The following ROBO1 variants were observed in gnomAD, a reference collection of about 807,000 sequenced individuals.
ROBO1 encodes roundabout guidance receptor 1, also known as roundabout homolog 1.
ROBO1 carries 149 observed loss-of-function variants against 195.9 expected under a neutral mutation model. The ratio of observed to expected loss-of-function variants is 0.76; its 90% CI spans 0.67 to 0.87. The LOEUF is 0.87. Among genes scored for constraint, ROBO1 ranks in the 40% least tolerant of loss-of-function variants. The probability of loss-of-function intolerance (pLI) is 0.00; values close to 1 mark genes in which losing one functional copy is unlikely to be tolerated. For missense variants in ROBO1, 1,933 were observed against 2,068.3 expected, an observed-to-expected ratio of 0.93 and a Z score of 1.27; for synonymous variants, 816 against 733.2, an observed-to-expected ratio of 1.11 and a Z score of -1.82.
intron 2 of ROBO1, among the ~76,000 whole-genome samples, chr3:79,274,095 T>C (rs2030810515): frequency 6.6e-6 from 1 of 151,936 alleles, no homozygotes; most frequent in South Asian, 2.1e-4. Flanking sequence ...CTTTTAGTAT[T>C]GGACAGATTA....
chr3:78,942,233 G>A (rs957334244), intron 3 of ROBO1, among the ~76,000 whole-genome samples: 1 of 152,036 alleles, frequency 6.6e-6, no homozygotes, highest in Non-Finnish European at 1.5e-5. Context: ...CTGGGAAGTC[G>A]AGGCTGCAGT....
chr3:79,055,918 A>G, intron 3 of ROBO1, among the ~76,000 whole-genome samples: 1 of 152,074 alleles, frequency 6.6e-6, no homozygotes, highest in East Asian at 1.9e-4. Context: ...GTTTCTGAAC[A>G]GTTACAACTT....
At chr3:78,885,394 T>A (rs1405334343) in intron 4 of ROBO1, among the ~76,000 whole-genome samples, 4 of 105,486 alleles carry the variant, frequency 3.8e-5, no homozygotes, top group Non-Finnish European at 7.1e-5. Flanking sequence ...CCTGCACTTG[T>A]AACCCTGAAT....
At chr3:79,636,816 A>G (rs1945509461) in intron 1 of ROBO1, among the ~76,000 whole-genome samples, 2 of 152,238 alleles carry the variant, frequency 1.3e-5, no homozygotes, top group Non-Finnish European at 1.5e-5. Context: ...CTTTTATGCA[A>G]CTAAGATTTA....
intron 1 of ROBO1, among the ~76,000 whole-genome samples, chr3:79,730,923 GC>G (rs1703122648): frequency 6.6e-6 from 1 of 151,726 alleles, no homozygotes; most frequent in Non-Finnish European, 1.5e-5. Flanking sequence ...GACTACAGGT[GC>G]CCGCCACCAC....
At chr3:78,792,362 G>T (rs764394300) in intron 4 of ROBO1, among the ~76,000 whole-genome samples, 1 of 152,122 alleles carries the variant, frequency 6.6e-6, no homozygotes, top group Non-Finnish European at 1.5e-5. Flanking sequence ...CAACTGTTAT[G>T]AGTTTTAAAA....
At chr3:78,930,714 CTT>C (rs2039474604) in intron 4 of ROBO1, among the ~76,000 whole-genome samples, 1 of 152,178 alleles carries the variant, frequency 6.6e-6, no homozygotes, top group South Asian at 2.1e-4. Flanking sequence ...CTAATCCTCT[CTT>C]TTCTTTTCAT....
intron 2 of ROBO1, among the ~76,000 whole-genome samples, chr3:79,166,567 T>TTTTTTTTTA (rs1553693445): frequency 1.3e-5 from 2 of 149,772 alleles, no homozygotes; most frequent in African/African-American, 5.0e-5. Flanking sequence ...TTTCTTTTTT[T>TTTTTTTTTA]TTTTTTTTTT....
Position 79,671,219 on chromosome 3 carries a change from A to G in ROBO1, c.-50-81258T>C, listed in dbSNP as rs1314538746. On this transcript the variant is annotated intron_variant, in intron 1 of 30. Coordinates refer to ENST00000464233, the MANE Select transcript of ROBO1 (RefSeq NM_002941.4). ...TTATGTTAGAAGGAAAAGCCTAGAT[A>G]GTGTCTCTGCGTTTGTTATGCCTGT... Among the ~76,000 whole-genome samples the G allele has an allele frequency of 2.0e-5, 3 of 151,960 alleles. No homozygotes were observed. The East Asian group carries it at 5.8e-4, about 30-fold the overall frequency.
At chr3:79,704,980 C>T (rs1012828470) in intron 1 of ROBO1, among the ~76,000 whole-genome samples, 1 of 151,934 alleles carries the variant, frequency 6.6e-6, no homozygotes, top group Non-Finnish European at 1.5e-5. Context: ...TTCTCTATAT[C>T]TTCTTTGATA....
chr3:78,858,832 T>C (rs1180065278), intron 4 of ROBO1, among the ~76,000 whole-genome samples: 1 of 139,520 alleles, frequency 7.2e-6, no homozygotes, highest in Non-Finnish European at 1.5e-5. Flanking sequence ...GAAATGAGAG[T>C]AGGTGAGTAT....
At chr3:79,432,364 G>A (rs896700629) in intron 2 of ROBO1, among the ~76,000 whole-genome samples, 1 of 152,204 alleles carries the variant, frequency 6.6e-6, no homozygotes, top group African/African-American at 2.4e-5. Context: ...GAAATGGGTT[G>A]AGACAATTTG....
At chr3:78,815,776 CT>C (rs1207816727) in intron 4 of ROBO1, among the ~76,000 whole-genome samples, 2 of 152,124 alleles carry the variant, frequency 1.3e-5, no homozygotes, top group Non-Finnish European at 2.9e-5. Flanking sequence ...CATCATCAGC[CT>C]CCACTTGTAA....
chr3:79,567,636 C>T (rs66929548), intron 2 of ROBO1, among the ~76,000 whole-genome samples: 36,924 of 151,888 alleles, frequency 0.24, 5,134 homozygotes, highest in African/African-American at 0.37. Context: ...AATTTAGAAG[C>T]TTTGACTATT....
intron 4 of ROBO1, among the ~76,000 whole-genome samples, chr3:78,827,952 C>T (rs1039577014): frequency 4.6e-5 from 7 of 152,156 alleles, no homozygotes; most frequent in African/African-American, 1.4e-4. Flanking sequence ...GTTCCCATGG[C>T]ATAGCCGAGT....
chr3:78,609,889 A>G (rs371802992), intron 28 of ROBO1, among the ~76,000 whole-genome samples: 3 of 152,308 alleles, frequency 2.0e-5, no homozygotes, highest in East Asian at 3.9e-4. Flanking sequence ...TTCCATAAAT[A>G]TACAATTTTT....
chr3:79,655,072 T>G (rs1273709406), intron 1 of ROBO1, among the ~76,000 whole-genome samples: 1 of 152,006 alleles, frequency 6.6e-6, no homozygotes, highest in Non-Finnish European at 1.5e-5. Context: ...CACAGGAAAA[T>G]TTGAGGGCAA....
At chr3:79,206,424 A>C (rs2108791186) in intron 2 of ROBO1, among the ~76,000 whole-genome samples, 1 of 152,318 alleles carries the variant, frequency 6.6e-6, no homozygotes, top group Admixed American at 6.5e-5. Flanking sequence ...TCTTGACTTA[A>C]AGAGAAAAAA....
At chr3:78,939,150 G>C (rs1265209947) in intron 3 of ROBO1, among the ~76,000 whole-genome samples, 4 of 152,036 alleles carry the variant, frequency 2.6e-5, no homozygotes, top group Non-Finnish European at 2.9e-5. Flanking sequence ...CTTACACATT[G>C]CCTGTGCAAA....
Sources: allele counts gnomAD v4.1 joint callset (sites outside exome capture counted in the v4.1 genomes callset), GRCh38; gene constraint gnomAD v4.1.1; transcripts MANE v1.5; gene names NCBI Gene and HGNC (gene_info 2026-07-23, HGNC 2026-07-21).